Variants in DHX37 observed in about 807,000 individuals in gnomAD.
The protein encoded by DHX37 is DEAH-box helicase 37.
DHX37 carries 52 observed loss-of-function variants against 134.3 expected under a neutral mutation model. The ratio of observed to expected loss-of-function variants is 0.39; its 90% CI spans 0.31 to 0.49. DHX37 has a LOEUF of 0.49. DHX37 is among the 20% of genes least tolerant of loss of function. The pLI, the probability that DHX37 is intolerant of heterozygous loss-of-function variation, is 0.93. For synonymous variants in DHX37, 634 were observed against 670.7 expected (o/e 0.95, Z 0.85); for missense variants, 1,344 against 1,580.8 (o/e 0.85, Z 2.54).
intron 16 of DHX37, among the ~76,000 whole-genome samples, chr12:124,958,503 T>C (rs532831862): frequency 1.3e-5 from 2 of 152,302 alleles, no homozygotes; most frequent in East Asian, 1.9e-4. Flanking sequence ...TGTCTCAGTG[T>C]CTCAGGCTCC....
intron 10 of DHX37, 55 bp from the exon 11 acceptor site, chr12:124,967,273 T>C: frequency 6.4e-7 from 1 of 1,572,432 alleles, no homozygotes; most frequent in Non-Finnish European, 8.6e-7. Context: ...AACATTTGCT[T>C]AGCAAAAGCA....
intron 10 of DHX37, among the ~76,000 whole-genome samples, chr12:124,967,737 G>A (rs1954419834): frequency 6.6e-6 from 1 of 152,182 alleles, no homozygotes; most frequent in Non-Finnish European, 1.5e-5. Context: ...TCCCTAACAT[G>A]AAGAAAGCCA....
chr12:124,951,281 C>CA (rs71092247), intron 21 of DHX37, among the ~76,000 whole-genome samples: 5 of 130,120 alleles, frequency 3.8e-5, no homozygotes, highest in African/African-American at 1.4e-4. Flanking sequence ...AACTCCTTCT[C>CA]AAAAAAAAAA....
chr12:124,971,543 T>C (rs1162819071), intron 7 of DHX37, 128 bp from the exon 8 acceptor site: 4 of 1,433,558 alleles, frequency 2.8e-6, no homozygotes, highest in Admixed American at 2.1e-5. Flanking sequence ...AGAGGTGAGC[T>C]GCTCAACTCA....
chr12:124,982,362 A>G (rs1954776372), intron 3 of DHX37, 149 bp downstream of exon 3: 1 of 1,091,084 alleles, frequency 9.2e-7, no homozygotes, highest in Non-Finnish European at 1.3e-6. Context: ...CACTAGAGGC[A>G]TTTAGGATGA....
At chr12:124,969,572 G>A (rs1954473845) in intron 8 of DHX37, among the ~76,000 whole-genome samples, 1 of 151,902 alleles carries the variant, frequency 6.6e-6, no homozygotes. Flanking sequence ...CACCCTCTCT[G>A]CTTGGCCACT....
At chr12:124,976,056 C>T (rs1017070634) in intron 5 of DHX37, among the ~76,000 whole-genome samples, 5 of 152,226 alleles carry the variant, frequency 3.3e-5, no homozygotes, top group Admixed American at 6.5e-5. Flanking sequence ...TCTAGGATTT[C>T]GTTCCTGCCA....
chr12:124,967,571 A>G (rs868018322), intron 10 of DHX37, among the ~76,000 whole-genome samples: 9 of 152,184 alleles, frequency 5.9e-5, no homozygotes, highest in African/African-American at 1.9e-4. Context: ...CCCAAGCTCC[A>G]GCCTCACCTC....
intron 18 of DHX37, 87 bp from the exon 19 acceptor site, chr12:124,954,298 A>C (rs1954043784): frequency 6.7e-7 from 1 of 1,496,138 alleles, no homozygotes; most frequent in South Asian, 1.4e-5. Context: ...TCATCGGGAC[A>C]GGCTCAGAGG....
intron 15 of DHX37, among the ~76,000 whole-genome samples, chr12:124,960,861 A>G (rs770602510): frequency 6.6e-6 from 1 of 152,230 alleles, no homozygotes; most frequent in Non-Finnish European, 1.5e-5. Context: ...AGGCTGAGGC[A>G]GGAGAATCAC....
chr12:124,964,452 C>T lies in DHX37; in HGVS notation c.1987G>A (p.Ala663Thr), dbSNP rs774968908. 4 of 1,614,190 alleles carry T rather than the reference C, an allele frequency of 2.5e-6. No homozygotes were observed. Among genetic ancestry groups the T allele is most frequent in the Admixed American group, 3.3e-5 (2 of 60,016 alleles). The change falls in exon 15 of 27, where the codon GCA becomes ACA. Residue 663 changes from alanine (A) to threonine (T), a missense_variant. Transcript: ENST00000308736. ...SSFRVTWVSQ[A>T]SADQRAGRAG... ...CTGCCCGCTCGCTGGTCAGCTGATG[C>T]CTGGGAGACCCAGGTGACACGGAAG...
intron 13 of DHX37, 115 bp from the exon 14 acceptor site, chr12:124,965,121 C>G: frequency 8.2e-7 from 1 of 1,218,076 alleles, no homozygotes. Context: ...CTTTCTTTGC[C>G]CTGCTGCAGA....
rs537170004 is a variant in DHX37 at position 124,958,782 on chromosome 12, C to T, written c.2157+1530G>A. Reference sequence around the variant, plus strand: ...CTGGAACTACAGGTGCCCACCATCACGCCTGGCTAATTTTTATATTTTTAG... The same window carrying T: ...CTGGAACTACAGGTGCCCACCATCATGCCTGGCTAATTTTTATATTTTTAG... On this transcript the variant is annotated intron_variant, in intron 16 of 26. Coordinates refer to ENST00000308736, the MANE Select transcript of DHX37 (RefSeq NM_032656.4). 6.6e-5 allele frequency among the ~76,000 whole-genome samples: 10 copies of T among 151,806 alleles called. No individual in the cohort carries two copies. In the East Asian group the frequency reaches 9.7e-4, roughly 15 times the overall value.
At chr12:124,977,720 G>A (rs1048759808) in intron 4 of DHX37, among the ~76,000 whole-genome samples, 2 of 152,144 alleles carry the variant, frequency 1.3e-5, no homozygotes, top group African/African-American at 4.8e-5. Flanking sequence ...CTTGGTTGGG[G>A]CAGAGCAGTC....
At chr12:124,958,527 G>A in intron 16 of DHX37, among the ~76,000 whole-genome samples, 1 of 152,204 alleles carries the variant, frequency 6.6e-6, no homozygotes, top group East Asian at 1.9e-4. Flanking sequence ...TCTGGAAAAT[G>A]GGGTGATAAC....
intron 13 of DHX37, 86 bp downstream of exon 13, chr12:124,965,582 G>A (rs1018142260): frequency 6.2e-6 from 9 of 1,462,910 alleles, no homozygotes; most frequent in Middle Eastern, 2.5e-4. Flanking sequence ...CTAGAACCCC[G>A]GCCCCCGGGG....
chr12:124,959,041 C>T (rs1402821506), intron 16 of DHX37, among the ~76,000 whole-genome samples: 2 of 147,038 alleles, frequency 1.4e-5, no homozygotes, highest in Non-Finnish European at 3.0e-5. Flanking sequence ...TCCCAAGTAG[C>T]TGGGATTATA....
intron 7 of DHX37, 60 bp from the exon 8 acceptor site, chr12:124,971,475 C>T (rs974264238): frequency 8.2e-6 from 13 of 1,577,450 alleles, no homozygotes; most frequent in African/African-American, 1.3e-5. Context: ...GGCCGCTTCA[C>T]GTCCCAGAAC....
chr12:124,961,521 C>T (rs983691856), intron 15 of DHX37, among the ~76,000 whole-genome samples: 2 of 152,182 alleles, frequency 1.3e-5, no homozygotes, highest in African/African-American at 4.8e-5. Context: ...CTCTGCCTCC[C>T]AGGTTCAAGT....
Sources: allele counts gnomAD v4.1 joint callset (sites outside exome capture counted in the v4.1 genomes callset), GRCh38; gene constraint gnomAD v4.1.1; transcripts MANE v1.5; gene names NCBI Gene and HGNC (gene_info 2026-07-23, HGNC 2026-07-21).